The following DCAF1 variants were observed in gnomAD, a reference collection of about 807,000 sequenced individuals.
The protein encoded by DCAF1 is DDB1 and CUL4 associated factor 1, also known as DDB1- and CUL4-associated factor 1.
A neutral mutation model predicts 128.0 loss-of-function variants in DCAF1; 15 were observed. The ratio of observed to expected loss-of-function variants is 0.12; its 90% confidence interval spans 0.08 to 0.18. The LOEUF (loss-of-function observed/expected upper bound fraction) is 0.18. Ranked by LOEUF, DCAF1 falls within the 10% of genes least tolerant of loss-of-function variation. The pLI is 1.00. For missense variants in DCAF1, 988 were observed against 1,649.5 expected, an observed-to-expected ratio of 0.60 and a Z score of 6.95; for synonymous variants, 610 against 603.0, an observed-to-expected ratio of 1.01 and a Z score of -0.17.
Position 51,413,926 on chromosome 3 carries a change from A to T in DCAF1, c.3931+24T>A, listed in dbSNP as rs782742489. 26 of 1,477,438 alleles carry T rather than the reference A, an allele frequency of 1.8e-5. No homozygotes were observed. The South Asian group carries it at 3.6e-4, about 20-fold the overall frequency. 91.5% of individuals were successfully genotyped at this position (1,477,438 alleles called of 1,614,324 possible). ...AAGGGGTAGAGCAAAAGGAAAGAGA[A>T]TAATGAAGGATAAGGTTTATTACCT... On this transcript the variant is annotated intron_variant, in intron 20 of 24. Coordinates refer to ENST00000684031, the MANE Select transcript of DCAF1 (RefSeq NM_001387579.1).
At chr3:51,403,617 A>C (rs2089899075) in intron 23 of DCAF1, among the ~76,000 whole-genome samples, 1 of 152,232 alleles carries the variant, frequency 6.6e-6, no homozygotes, top group South Asian at 2.1e-4. Flanking sequence ...ACAAGGATTA[A>C]TGGTCACATA....
chr3:51,407,312 A>G (rs555047571), intron 23 of DCAF1, among the ~76,000 whole-genome samples: 1 of 152,350 alleles, frequency 6.6e-6, no homozygotes, highest in African/African-American at 2.4e-5. Flanking sequence ...CTTTAGGGTC[A>G]TAAATGTTTG....
rs781831983 is a variant in DCAF1 at position 51,441,907 on chromosome 3, G to T, written c.514-10C>A. Reference sequence around the variant, plus strand: ...GAAGCACTATTGCCACCTATCAACAGATAATTGGAGAAAAAGGGGGTGCCT... The same window carrying T: ...GAAGCACTATTGCCACCTATCAACATATAATTGGAGAAAAAGGGGGTGCCT... On this transcript the variant is annotated splice_polypyrimidine_tract_variant and intron_variant, in intron 7 of 24. Transcript: ENST00000684031. The T allele has an allele frequency of 6.4e-7, 1 of 1,569,618 alleles. No individual in the cohort carries two copies. Among genetic ancestry groups the T allele is most frequent in the Admixed American group, 2.0e-5 (1 of 50,010 alleles).
chr3:51,403,032 A>C (rs2089844719), intron 24 of DCAF1, 111 bp downstream of exon 24: 1 of 1,467,704 alleles, frequency 6.8e-7, no homozygotes, highest in Non-Finnish European at 9.0e-7. Flanking sequence ...AGTGAATCAA[A>C]TTATGGGGCA....
At position 51,417,983 on chromosome 3, in the gene DCAF1, T is replaced by C. The variant is rs2107294641; in HGVS notation, c.3518+133A>G. The C allele has an allele frequency of 2.7e-6, 3 of 1,128,314 alleles. No individual in the cohort carries two copies. In the East Asian group the frequency reaches 7.9e-5, roughly 30 times the overall value. The allele number at this position is 1,128,314 out of a possible 1,614,324, so 69.9% of individuals were successfully genotyped here. A position where few individuals can be genotyped will look rare whatever the true frequency, so the allele number is the denominator to read the frequency against. The stretch of plus-strand genomic sequence containing the variant: ...AGTCTTATTAAACATGAGTCTTAGA[T>C]GAGGAAGAGAGAAGTTAACAATAAC... On this transcript the variant is annotated intron_variant, in intron 17 of 24. Transcript: ENST00000684031.
chr3:51,429,903 C>T (rs1700224161), intron 11 of DCAF1, 130 bp downstream of exon 11: 3 of 554,094 alleles, frequency 5.4e-6, no homozygotes, highest in African/African-American at 1.9e-5. Flanking sequence ...AAAAAAAAAA[C>T]TTCACAAAAA....
chr3:51,438,688 T>C (rs1347948138), intron 9 of DCAF1, among the ~76,000 whole-genome samples: 3 of 152,260 alleles, frequency 2.0e-5, no homozygotes, highest in African/African-American at 7.2e-5. Context: ...CTCAGCTCAC[T>C]GCAACTTCCA....
intron 23 of DCAF1, among the ~76,000 whole-genome samples, chr3:51,404,471 T>C (rs567363461): frequency 1.3e-5 from 2 of 152,344 alleles, no homozygotes; most frequent in South Asian, 4.1e-4. Context: ...TGTTATTGCC[T>C]GCCAAGCACT....
At chr3:51,438,677 T>A (rs564259435) in intron 9 of DCAF1, among the ~76,000 whole-genome samples, 3 of 152,250 alleles carry the variant, frequency 2.0e-5, no homozygotes, top group Middle Eastern at 3.2e-3. Context: ...AATGGCACGA[T>A]CTCAGCTCAC....
downstream of DCAF1, chr3:51,397,740 C>T (rs998613847): frequency 6.0e-6 from 1 of 167,236 alleles, no homozygotes; most frequent in South Asian, 2.1e-4. Context: ...GCAGAACATG[C>T]TCTCCTTGCC....
intron 14 of DCAF1, among the ~76,000 whole-genome samples, chr3:51,421,929 C>T (rs1377381953): frequency 1.3e-5 from 2 of 151,486 alleles, no homozygotes; most frequent in African/African-American, 4.9e-5. Context: ...AAGTTTTTTA[C>T]TATCTGCCTC....
intron 3 of DCAF1, among the ~76,000 whole-genome samples, chr3:51,474,674 G>A (rs1577267220): frequency 1.3e-5 from 2 of 150,464 alleles, no homozygotes; most frequent in South Asian, 4.2e-4. Flanking sequence ...CTGCAGTGGC[G>A]CAGTGGCACA....
At chr3:51,466,693 C>T in intron 5 of DCAF1, 110 bp downstream of exon 5, 2 of 1,051,448 alleles carry the variant, frequency 1.9e-6, no homozygotes, top group Non-Finnish European at 1.4e-6. Context: ...AAAAACTCTA[C>T]TCCCAACTTT....
At chr3:51,451,731 C>T (rs1284620594) in intron 6 of DCAF1, among the ~76,000 whole-genome samples, 1 of 149,670 alleles carries the variant, frequency 6.7e-6, no homozygotes. Context: ...CGTTGCACTC[C>T]AGCCTGGGCA....
At chr3:51,483,215 T>C (rs935885967) in intron 3 of DCAF1, among the ~76,000 whole-genome samples, 1 of 143,780 alleles carries the variant, frequency 7.0e-6, no homozygotes, top group African/African-American at 2.6e-5. Flanking sequence ...AAGGCGGGTG[T>C]ATCACCTAAG....
At chr3:51,456,933 G>A (rs1377213872) in intron 6 of DCAF1, among the ~76,000 whole-genome samples, 2 of 152,070 alleles carry the variant, frequency 1.3e-5, no homozygotes, top group Non-Finnish European at 2.9e-5. Context: ...CGTCAAAAAC[G>A]AAAGGTAGCT....
At chr3:51,432,527 C>T (rs1323133377) in intron 10 of DCAF1, among the ~76,000 whole-genome samples, 4 of 151,602 alleles carry the variant, frequency 2.6e-5, no homozygotes, top group African/African-American at 9.7e-5. Flanking sequence ...GCCACAGTCT[C>T]GGCTCACTGC....
Position 51,492,678 on chromosome 3 carries a change from G to T in DCAF1, c.-9+4056C>A, listed in dbSNP as rs182345284. 5.3e-5 allele frequency among the ~76,000 whole-genome samples: 8 copies of T among 152,232 alleles called. No individual in the cohort carries two copies. In the East Asian group the frequency reaches 1.5e-3, roughly 29 times the overall value. On this transcript the variant is annotated intron_variant, in intron 2 of 24. Transcript: ENST00000684031. ...CATTAGCAAGCATGTGAAGAAACTG[G>T]AACACATATTGCTTGTAGAAATGTA... is the stretch of plus-strand genomic sequence containing the variant.
rs565527663 is a variant in DCAF1 at position 51,419,597 on chromosome 3, GTACAAT to G, written c.3236+131_3236+136del. ...AGGAACCCATGGTTGACAAAAGGTG[GTACAAT>G]TACATTGTTCAAGTATTACACAAAG... is the stretch of plus-strand genomic sequence containing the variant. On this transcript the variant is annotated intron_variant, in intron 15 of 24. Transcript: ENST00000684031. 106 of 1,415,658 alleles carry G rather than the reference GTACAAT, an allele frequency of 7.5e-5. 1 individual carries two copies. In the African/African-American group the frequency reaches 1.4e-3, roughly 19 times the overall value. 87.7% of individuals were successfully genotyped at this position (1,415,658 alleles called of 1,614,324 possible).
Sources: allele counts gnomAD v4.1 joint callset (sites outside exome capture counted in the v4.1 genomes callset), GRCh38; gene constraint gnomAD v4.1.1; transcripts MANE v1.5; gene names NCBI Gene and HGNC (gene_info 2026-07-23, HGNC 2026-07-21).